Variants in CCDC178 observed in about 807,000 individuals in gnomAD.
The protein encoded by CCDC178 is coiled-coil domain-containing protein 178.
Under a neutral mutation model 117.4 loss-of-function variants are expected in CCDC178, and 126 were observed. That is an observed-to-expected ratio of 1.07 (90% confidence interval 0.93 to 1.24). The LOEUF (loss-of-function observed/expected upper bound fraction) is 1.24. Among genes scored for constraint, CCDC178 ranks in the 50% most tolerant of loss-of-function variants. CCDC178 has a pLI of 0.00. For missense variants in CCDC178, 1,030 were observed against 986.9 expected, an observed-to-expected ratio of 1.04 and a Z score of -0.59; for synonymous variants, 283 against 313.4, an observed-to-expected ratio of 0.90 and a Z score of 1.02.
intron 11 of CCDC178, 137 bp downstream of exon 11, chr18:33,323,354 G>A (rs1317813092): frequency 3.0e-5 from 13 of 428,164 alleles, no homozygotes; most frequent in Non-Finnish European, 5.1e-5. Context: ...ATATAAACTT[G>A]GTGATAAGAC....
intron 21 of CCDC178, among the ~76,000 whole-genome samples, chr18:33,046,221 T>C (rs1780823483): frequency 6.6e-6 from 1 of 152,216 alleles, no homozygotes; most frequent in South Asian, 2.1e-4. Context: ...CCTGTTTTTA[T>C]ATTCTAGTAT....
intron 20 of CCDC178, among the ~76,000 whole-genome samples, chr18:33,209,711 C>G (rs749703056): frequency 2.0e-4 from 30 of 151,930 alleles, no homozygotes; most frequent in Non-Finnish European, 1.6e-4. Context: ...TCTGCATCTT[C>G]AGACTCTATG....
At chr18:33,268,903 CTT>C (rs1473587446) in intron 12 of CCDC178, among the ~76,000 whole-genome samples, 1 of 151,796 alleles carries the variant, frequency 6.6e-6, no homozygotes, top group Non-Finnish European at 1.5e-5. Flanking sequence ...ACAGTCTAAA[CTT>C]AGTAAGAAGA....
chr18:33,035,322 GC>G (rs1157474319), intron 21 of CCDC178, among the ~76,000 whole-genome samples: 1 of 151,942 alleles, frequency 6.6e-6, no homozygotes, highest in Non-Finnish European at 1.5e-5. Context: ...GAATGGTTTG[GC>G]CAAACAGAAG....
chr18:33,360,214 C>G (rs1391562449), intron 6 of CCDC178, among the ~76,000 whole-genome samples: 7 of 150,486 alleles, frequency 4.7e-5, no homozygotes, highest in Non-Finnish European at 1.0e-4. Context: ...TACAGCAGTT[C>G]CACTCCTAGG....
intron 22 of CCDC178, among the ~76,000 whole-genome samples, chr18:32,951,878 A>C (rs2054493567): frequency 6.6e-6 from 1 of 152,228 alleles, no homozygotes; most frequent in Non-Finnish European, 1.5e-5. Flanking sequence ...CAAATGGGAC[A>C]AATTGGCCAA....
At chr18:33,396,848 T>C (rs1283806908) in intron 4 of CCDC178, among the ~76,000 whole-genome samples, 16 of 152,008 alleles carry the variant, frequency 1.1e-4, no homozygotes, top group Admixed American at 1.1e-3. Flanking sequence ...TGAGTGAAGG[T>C]GACACAGATG....
At chr18:33,156,641 CAAAA>C (rs35712594) in intron 20 of CCDC178, among the ~76,000 whole-genome samples, 7 of 99,272 alleles carry the variant, frequency 7.1e-5, no homozygotes, top group African/African-American at 2.0e-4. Context: ...TCCTCCCTCT[CAAAA>C]AAAAAAAAAA....
At chr18:33,033,279 C>G (rs967368135) in intron 21 of CCDC178, among the ~76,000 whole-genome samples, 1 of 152,024 alleles carries the variant, frequency 6.6e-6, no homozygotes, top group African/African-American at 2.4e-5. Flanking sequence ...CAGGAAGTAT[C>G]TTTTAAAAGA....
intron 20 of CCDC178, among the ~76,000 whole-genome samples, chr18:33,121,943 T>A (rs1033142915): frequency 3.3e-5 from 5 of 152,140 alleles, no homozygotes; most frequent in Non-Finnish European, 7.4e-5. Flanking sequence ...GCCTACAGTA[T>A]TCATTACAGT....
intron 4 of CCDC178, among the ~76,000 whole-genome samples, chr18:33,394,784 T>C (rs2063608862): frequency 6.6e-6 from 1 of 150,858 alleles, no homozygotes; most frequent in South Asian, 2.1e-4. Flanking sequence ...AGGATTAAAC[T>C]TGTTAAATTA....
intron 6 of CCDC178, among the ~76,000 whole-genome samples, chr18:33,367,510 A>T (rs2063227799): frequency 6.6e-6 from 1 of 152,030 alleles, no homozygotes; most frequent in Non-Finnish European, 1.5e-5. Flanking sequence ...ATGTCAATGT[A>T]AGGTTGTCTA....
At chr18:33,210,650 T>A (rs575216723) in intron 20 of CCDC178, among the ~76,000 whole-genome samples, 186 of 152,096 alleles carry the variant, frequency 1.2e-3, no homozygotes, top group African/African-American at 4.4e-3. Flanking sequence ...AATCGGTAAA[T>A]AACTTAAGCC....
chr18:33,195,237 C>T (rs1216104386), intron 20 of CCDC178, among the ~76,000 whole-genome samples: 5 of 151,994 alleles, frequency 3.3e-5, no homozygotes, highest in Non-Finnish European at 7.4e-5. Context: ...AGATAATTCA[C>T]ACATGAATCT....
chr18:33,307,847 T>C, intron 11 of CCDC178, among the ~76,000 whole-genome samples: 1 of 152,332 alleles, frequency 6.6e-6, no homozygotes, highest in African/African-American at 2.4e-5. Context: ...AGCTTACACA[T>C]GGTGTTGGGC....
intron 21 of CCDC178, among the ~76,000 whole-genome samples, chr18:33,048,543 AACTT>A (rs2056687533): frequency 2.0e-5 from 3 of 152,292 alleles, no homozygotes; most frequent in Non-Finnish European, 4.4e-5. Flanking sequence ...GCAATTTTAC[AACTT>A]ACTTGCTTCA....
chr18:33,233,751 C>T (rs2059394967), intron 15 of CCDC178, among the ~76,000 whole-genome samples: 1 of 151,926 alleles, frequency 6.6e-6, no homozygotes, highest in South Asian at 2.1e-4. Context: ...GATACTGTTA[C>T]ATTTATTTAA....
intron 20 of CCDC178, among the ~76,000 whole-genome samples, chr18:33,173,907 T>G (rs2144437593): frequency 6.6e-6 from 1 of 152,282 alleles, no homozygotes; most frequent in South Asian, 2.1e-4. Context: ...TTATCATGGC[T>G]AAGTAAGGAG....
intron 5 of CCDC178, among the ~76,000 whole-genome samples, chr18:33,373,609 T>A (rs896179343): frequency 3.9e-5 from 6 of 152,172 alleles, no homozygotes; most frequent in African/African-American, 1.4e-4. Flanking sequence ...CTTTCAGACA[T>A]TTGAGTGCAG....
Sources: allele counts gnomAD v4.1 joint callset (sites outside exome capture counted in the v4.1 genomes callset), GRCh38; gene constraint gnomAD v4.1.1; transcripts MANE v1.5; gene names NCBI Gene and HGNC (gene_info 2026-07-23, HGNC 2026-07-21).